NTM: variants seen among roughly 807,000 people sequenced by gnomAD.
NTM encodes IgLON family member 2.
NTM carries 13 observed loss-of-function variants against 42.1 expected under a neutral mutation model. That is an observed-to-expected ratio of 0.31 (90% CI 0.20 to 0.49). The LOEUF is 0.49. NTM is among the 20% of genes least tolerant of loss of function. The pLI is 0.99. For synonymous variants in NTM, 187 were observed against 179.2 expected, an observed-to-expected ratio of 1.04 and a Z score of -0.35; for missense variants, 373 against 452.8, an observed-to-expected ratio of 0.82 and a Z score of 1.60.
chr11:131,396,626 G>A (rs1944589226), intron 1 of NTM, among the ~76,000 whole-genome samples: 1 of 152,144 alleles, frequency 6.6e-6, no homozygotes. Flanking sequence ...TTGAGGTCAG[G>A]AGTTCGAGAC....
intron 3 of NTM, among the ~76,000 whole-genome samples, chr11:132,158,949 G>C (rs569233147): frequency 6.6e-6 from 1 of 152,310 alleles, no homozygotes; most frequent in South Asian, 2.1e-4. Context: ...CCACAGCCTG[G>C]ATAGCAGGAG....
chr11:131,627,676 A>C (rs1014858104), intron 1 of NTM, among the ~76,000 whole-genome samples: 2 of 152,030 alleles, frequency 1.3e-5, no homozygotes, highest in Non-Finnish European at 2.9e-5. Flanking sequence ...ACAAAAAATA[A>C]AAAATTAACA....
At chr11:131,958,326 CA>C (rs1358775055) in intron 2 of NTM, among the ~76,000 whole-genome samples, 3 of 152,072 alleles carry the variant, frequency 2.0e-5, no homozygotes, top group Non-Finnish European at 4.4e-5. Flanking sequence ...GGTAGACTCT[CA>C]GGGGTTGTGG....
chr11:131,623,986 G>A (rs1565342917), intron 1 of NTM, among the ~76,000 whole-genome samples: 1 of 152,210 alleles, frequency 6.6e-6, no homozygotes, highest in Non-Finnish European at 1.5e-5. Context: ...TCTGACCGAG[G>A]TCACTAAAGG....
At chr11:131,856,082 G>A (rs1246659366) in intron 1 of NTM, among the ~76,000 whole-genome samples, 1 of 152,162 alleles carries the variant, frequency 6.6e-6, no homozygotes, top group Non-Finnish European at 1.5e-5. Flanking sequence ...ATCCCTTCTA[G>A]GGCACAATAC....
intron 1 of NTM, among the ~76,000 whole-genome samples, chr11:131,527,554 T>C (rs190457852): frequency 1.3e-5 from 2 of 152,238 alleles, no homozygotes; most frequent in East Asian, 3.8e-4. Flanking sequence ...CTGCCTTAGT[T>C]GGGGATAGAG....
chr11:132,046,617 G>A (rs2135858793), intron 2 of NTM, among the ~76,000 whole-genome samples: 1 of 152,216 alleles, frequency 6.6e-6, no homozygotes. Flanking sequence ...CTGTTCTCCT[G>A]GGGACAACAG....
chr11:131,962,508 C>T lies in NTM; in HGVS notation c.167+50860C>T, dbSNP rs1362216192. ...CTCTCTGCTGTCCTCCCTGTGAGAA[C>T]ACAACAAGAAGGCAGCCATCAGGAA... is the stretch of plus-strand genomic sequence containing the variant. On this transcript the variant is annotated intron_variant, in intron 2 of 8. Transcript: ENST00000683400. Among the ~76,000 whole-genome samples the T allele has an allele frequency of 2.6e-5, 4 of 152,190 alleles. No individual in the cohort carries two copies. In the East Asian group the frequency reaches 5.8e-4, roughly 22 times the overall value.
intron 1 of NTM, among the ~76,000 whole-genome samples, chr11:131,844,351 G>A (rs1451732245): frequency 2.0e-5 from 3 of 151,992 alleles, no homozygotes; most frequent in African/African-American, 7.2e-5. Flanking sequence ...TCTTTCTGGG[G>A]CCCATTCCAC....
chr11:132,054,711 C>T (rs973859299), intron 2 of NTM, among the ~76,000 whole-genome samples: 3 of 152,198 alleles, frequency 2.0e-5, no homozygotes, highest in Middle Eastern at 3.2e-3. Context: ...AGGGGATATA[C>T]TAACTTATGA....
At chr11:131,936,645 A>G (rs539322377) in intron 2 of NTM, among the ~76,000 whole-genome samples, 64 of 152,346 alleles carry the variant, frequency 4.2e-4, no homozygotes, top group South Asian at 4.1e-4. Flanking sequence ...ATTGAAATAA[A>G]AACAATTTTT....
At chr11:131,415,935 G>A (rs1324959031) in intron 1 of NTM, among the ~76,000 whole-genome samples, 2 of 152,178 alleles carry the variant, frequency 1.3e-5, no homozygotes, top group African/African-American at 4.8e-5. Flanking sequence ...TATACACAAT[G>A]TCCTTCATTA....
chr11:131,748,706 T>A (rs554590571), intron 1 of NTM, among the ~76,000 whole-genome samples: 70 of 152,294 alleles, frequency 4.6e-4, no homozygotes, highest in African/African-American at 1.6e-3. Flanking sequence ...GGGGGTGCAA[T>A]TCTTTTAATT....
rs550634472 is a variant in NTM at position 131,982,547 on chromosome 11, A to G, written c.167+70899A>G. Among the ~76,000 whole-genome samples, 172 of 152,230 alleles carry G rather than the reference A, an allele frequency of 1.1e-3. 4 individuals carry two copies. The highest frequency in any genetic ancestry group is 3.4e-3 in the Middle Eastern group (1 of 294). ...CTTCTTCCAGCCAGGGTGCTCCCCT[A>G]TGGAAAGCAGAGTTTCTGGGTCTGT... On this transcript the variant is annotated intron_variant, in intron 2 of 8. Coordinates refer to ENST00000683400, the MANE Select transcript of NTM (RefSeq NM_001352005.2).
At chr11:131,840,566 C>T (rs1429368485) in intron 1 of NTM, among the ~76,000 whole-genome samples, 1 of 152,126 alleles carries the variant, frequency 6.6e-6, no homozygotes, top group African/African-American at 2.4e-5. Flanking sequence ...ATGGATAGGA[C>T]ATTAACATTG....
chr11:132,012,004 A>G (rs2072312248), intron 2 of NTM, among the ~76,000 whole-genome samples: 1 of 152,152 alleles, frequency 6.6e-6, no homozygotes, highest in African/African-American at 2.4e-5. Flanking sequence ...TTTCATCCAT[A>G]TAATATAGTC....
chr11:131,387,828 A>T (rs1943512939), intron 1 of NTM, among the ~76,000 whole-genome samples: 1 of 152,088 alleles, frequency 6.6e-6, no homozygotes, highest in Non-Finnish European at 1.5e-5. Flanking sequence ...GGAGAACAAA[A>T]GTTTGTCAAG....
chr11:131,977,000 C>T (rs1372901971), intron 2 of NTM, among the ~76,000 whole-genome samples: 1 of 149,688 alleles, frequency 6.7e-6, no homozygotes, highest in Non-Finnish European at 1.5e-5. Flanking sequence ...CACTCATGAG[C>T]ACAGGGGTGA....
At chr11:131,561,795 C>A (rs78298033) in intron 1 of NTM, among the ~76,000 whole-genome samples, 1 of 152,124 alleles carries the variant, frequency 6.6e-6, no homozygotes, top group Admixed American at 6.5e-5. Context: ...CATCATCATC[C>A]TTCTTCTTCA....
Sources: gnomAD v4.1 joint callset for allele counts (sites outside exome capture counted in the v4.1 genomes callset) on GRCh38, gnomAD v4.1.1 for gene constraint, MANE v1.5 for transcripts, NCBI Gene and HGNC (gene_info 2026-07-23, HGNC 2026-07-21) for gene names.